The following CSMD1 variants were observed in gnomAD, a reference collection of about 807,000 sequenced individuals.
CSMD1 encodes the protein CUB and sushi domain-containing protein 1.
In CSMD1, 213 loss-of-function variants were observed where a neutral mutation model predicts 417.5. That is an observed-to-expected ratio of 0.51 (90% CI 0.46 to 0.57). The LOEUF (loss-of-function observed/expected upper bound fraction) is 0.57, where lower values mean the gene tolerates loss of function less well. CSMD1 is among the 20% of genes least tolerant of loss of function. The pLI, the probability that CSMD1 is intolerant of heterozygous loss-of-function variation, is 0.00. For synonymous variants in CSMD1, 2,862 were observed against 1,736.8 expected (o/e 1.65, Z -16.11); for missense variants, 6,923 against 4,529.7 (o/e 1.53, Z -15.17).
chr8:4,905,726 A>C (rs1000690901), intron 1 of CSMD1, among the ~76,000 whole-genome samples: 10 of 148,176 alleles, frequency 6.7e-5, no homozygotes, highest in African/African-American at 2.5e-4. Flanking sequence ...AGGCTGAGGC[A>C]GGAGAATGGC....
chr8:3,199,398 T>C (rs1487822561), intron 33 of CSMD1, among the ~76,000 whole-genome samples: 1 of 152,276 alleles, frequency 6.6e-6, no homozygotes, highest in East Asian at 1.9e-4. Context: ...CGTAATTAGA[T>C]AAAATACTGT....
intron 1 of CSMD1, among the ~76,000 whole-genome samples, chr8:4,823,445 A>G (rs563784303): frequency 2.6e-5 from 4 of 152,118 alleles, no homozygotes; most frequent in Admixed American, 2.0e-4. Flanking sequence ...TTCCTCACTC[A>G]CTGGTAAAAT....
At chr8:4,125,148 A>G (rs1802690476) in intron 3 of CSMD1, among the ~76,000 whole-genome samples, 1 of 151,966 alleles carries the variant, frequency 6.6e-6, no homozygotes, top group Non-Finnish European at 1.5e-5. Flanking sequence ...TCAGGAGAAG[A>G]CTTCTTGTCT....
chr8:4,699,247 G>T (rs933685345), intron 1 of CSMD1, among the ~76,000 whole-genome samples: 1 of 152,156 alleles, frequency 6.6e-6, no homozygotes. Flanking sequence ...AACTTTCAAA[G>T]AGTTTATTCG....
At chr8:4,554,425 G>A (rs574216054) in intron 2 of CSMD1, among the ~76,000 whole-genome samples, 50 of 152,148 alleles carry the variant, frequency 3.3e-4, no homozygotes, top group Non-Finnish European at 4.6e-4. Flanking sequence ...GCGTGAACAG[G>A]CCACCGCGCC....
chr8:3,515,666 C>A (rs1314164972), intron 10 of CSMD1, among the ~76,000 whole-genome samples: 1 of 152,196 alleles, frequency 6.6e-6, no homozygotes, highest in Non-Finnish European at 1.5e-5. Flanking sequence ...AACAGACCAA[C>A]TTGGAACAAG....
At chr8:4,349,861 G>A (rs947263257) in intron 3 of CSMD1, among the ~76,000 whole-genome samples, 3 of 135,556 alleles carry the variant, frequency 2.2e-5, no homozygotes, top group African/African-American at 8.3e-5. Flanking sequence ...TTTTAACTAT[G>A]TAATGTTACC....
intron 3 of CSMD1, among the ~76,000 whole-genome samples, chr8:4,171,458 C>G (rs1250587843): frequency 6.6e-6 from 1 of 151,776 alleles, no homozygotes; most frequent in Non-Finnish European, 1.5e-5. Flanking sequence ...TATTGGCTCT[C>G]CTGAACTAAG....
chr8:3,476,903 A>T (rs1159474391), intron 11 of CSMD1, among the ~76,000 whole-genome samples: 1 of 91,584 alleles, frequency 1.1e-5, no homozygotes, highest in Non-Finnish European at 2.2e-5. Context: ...ACAGAGCGAA[A>T]CTCCGCCTCA....
intron 3 of CSMD1, among the ~76,000 whole-genome samples, chr8:4,106,831 C>G (rs951266593): frequency 2.0e-5 from 3 of 152,126 alleles, no homozygotes; most frequent in Non-Finnish European, 4.4e-5. Context: ...CACACACTAT[C>G]CGAAGTCAGA....
At chr8:3,587,111 G>C (rs751108391) in intron 8 of CSMD1, among the ~76,000 whole-genome samples, 2 of 152,184 alleles carry the variant, frequency 1.3e-5, no homozygotes, top group African/African-American at 2.4e-5. Flanking sequence ...TGTTTTAGAA[G>C]AAAGCAATCC....
At chr8:4,243,196 G>A (rs946172042) in intron 3 of CSMD1, among the ~76,000 whole-genome samples, 3 of 152,150 alleles carry the variant, frequency 2.0e-5, no homozygotes, top group South Asian at 2.1e-4. Flanking sequence ...GGCTGAGGAG[G>A]ACATGGCAGA....
chr8:3,029,429 G>C lies in CSMD1; in HGVS notation c.7745C>G (p.Ala2582Gly). The C allele has an allele frequency of 6.2e-7, 1 of 1,610,926 alleles. No individual in the cohort carries two copies. The highest frequency in any genetic ancestry group is 8.5e-7 in the Non-Finnish European group (1 of 1,178,934). The change falls in exon 51 of 70, where the codon GCT becomes GGT. Residue 2582 changes from alanine (A) to glycine (G), a missense_variant. Transcript: ENST00000635120. The part of the protein sequence containing the change: ...LVSGSLNEYG[A>G]QVLLSCSPGY... Reference sequence around the variant, plus strand: ...AGGACTGCAGCTCAGCAATACTTGAGCACCGTACTCATTCAAGGATCCTGA... The same window carrying C: ...AGGACTGCAGCTCAGCAATACTTGACCACCGTACTCATTCAAGGATCCTGA...
rs865777309 is a variant in CSMD1, at chr8:2,950,078, T to C, written c.10314+153A>G. On this transcript the variant is annotated intron_variant, in intron 67 of 69. Coordinates refer to ENST00000635120, the MANE Select transcript of CSMD1 (RefSeq NM_033225.6). ...TCCCTTATAAAATGAAGGAATAAAA[T>C]GGCCACTCTGTCAAGAAGAGGGGCA... 2.6e-5 allele frequency among the ~76,000 whole-genome samples: 4 copies of C among 152,246 alleles called. 1 individual carries two copies. The Middle Eastern group carries it at 0.014, about 518-fold the overall frequency.
chr8:3,509,662 A>G (rs1430374499), intron 10 of CSMD1, among the ~76,000 whole-genome samples: 2 of 152,238 alleles, frequency 1.3e-5, no homozygotes, highest in Non-Finnish European at 2.9e-5. Flanking sequence ...TCAACCTAAC[A>G]AAAAGAAAAC....
chr8:4,734,794 A>G (rs542951122), intron 1 of CSMD1, among the ~76,000 whole-genome samples: 10 of 152,210 alleles, frequency 6.6e-5, no homozygotes, highest in Admixed American at 6.5e-4. Context: ...TCTCATTTTT[A>G]AGACCTCTCA....
At chr8:3,089,727 C>CA (rs1443542259) in intron 48 of CSMD1, among the ~76,000 whole-genome samples, 1 of 146,236 alleles carries the variant, frequency 6.8e-6, no homozygotes, top group African/African-American at 2.5e-5. Flanking sequence ...TCACATATGA[C>CA]ACGTGTCTAT....
intron 3 of CSMD1, among the ~76,000 whole-genome samples, chr8:4,304,339 G>A (rs2128875233): frequency 6.6e-6 from 1 of 152,236 alleles, no homozygotes; most frequent in Middle Eastern, 3.4e-3. Flanking sequence ...TCAAACTGAT[G>A]TCTTAGATAC....
intron 1 of CSMD1, among the ~76,000 whole-genome samples, chr8:4,955,077 C>G (rs1356465042): frequency 1.3e-5 from 2 of 152,118 alleles, no homozygotes; most frequent in South Asian, 2.1e-4. Flanking sequence ...AAAATAGGCT[C>G]TGGAACAATC....
Sources: allele counts gnomAD v4.1 joint callset (sites outside exome capture counted in the v4.1 genomes callset), GRCh38; gene constraint gnomAD v4.1.1; transcripts MANE v1.5; gene names NCBI Gene and HGNC (gene_info 2026-07-23, HGNC 2026-07-21).